SH3RF3: variants seen among roughly 807,000 people sequenced by gnomAD.
SH3RF3 encodes the protein SH3 domain containing ring finger 3.
SH3RF3 carries 29 observed loss-of-function variants against 66.3 expected under a neutral mutation model. The ratio of observed to expected loss-of-function variants is 0.44; its 90% CI spans 0.33 to 0.60. SH3RF3 has a LOEUF of 0.60. Among genes scored for constraint, SH3RF3 ranks in the 20% least tolerant of loss-of-function variants. SH3RF3 has a pLI of 0.04. For missense variants in SH3RF3, 1,194 were observed against 1,190.9 expected, an observed-to-expected ratio of 1.00 and a Z score of -0.04; for synonymous variants, 583 against 532.0, an observed-to-expected ratio of 1.10 and a Z score of -1.32.
intron 1 of SH3RF3, among the ~76,000 whole-genome samples, chr2:109,334,764 A>C (rs1682370320): frequency 7.9e-6 from 1 of 126,184 alleles, no homozygotes; most frequent in Admixed American, 8.1e-5. Flanking sequence ...AGGCTGCTGA[A>C]GGAGTTTGTT....
At chr2:109,354,730 C>T (rs113711723) in intron 2 of SH3RF3, among the ~76,000 whole-genome samples, 1,880 of 152,364 alleles carry the variant, frequency 0.012, 40 homozygotes, top group African/African-American at 0.038. Flanking sequence ...AGCGTCGGCA[C>T]CCTGCCCCGC....
chr2:109,262,855 C>G (rs986321481), intron 1 of SH3RF3, among the ~76,000 whole-genome samples: 1 of 151,766 alleles, frequency 6.6e-6, no homozygotes, highest in Admixed American at 6.6e-5. Flanking sequence ...TTTTTTGAGA[C>G]AGAGTCTTCC....
Position 109,501,900 on chromosome 2 carries a change from C to G in SH3RF3, c.*229C>G. 2.0e-6 allele frequency: 1 copy of G among 505,786 alleles called. No homozygotes were observed. The highest frequency in any genetic ancestry group is 3.2e-5 in the South Asian group (1 of 31,320). 31.3% of individuals were successfully genotyped at this position (505,786 alleles called of 1,614,324 possible). A position where few individuals can be genotyped will look rare whatever the true frequency, so the allele number is the denominator to read the frequency against. ...GATGTTCTTCAAGGAAATGCCCACCCCCTCTGTGGAAACTGCAAAGAAAGC... is the reference window on the plus strand; with the variant it reads ...GATGTTCTTCAAGGAAATGCCCACCGCCTCTGTGGAAACTGCAAAGAAAGC... On this transcript the variant is annotated 3_prime_UTR_variant, in exon 10 of 10. Coordinates refer to ENST00000309415, the MANE Select transcript of SH3RF3 (RefSeq NM_001099289.3).
intron 1 of SH3RF3, among the ~76,000 whole-genome samples, chr2:109,283,657 G>A (rs1242018797): frequency 6.6e-6 from 1 of 152,202 alleles, no homozygotes. Flanking sequence ...AGTGCACATG[G>A]GGACCTGGAA....
intron 1 of SH3RF3, among the ~76,000 whole-genome samples, chr2:109,282,057 G>T (rs2105344716): frequency 1.3e-5 from 2 of 152,178 alleles, no homozygotes; most frequent in South Asian, 2.1e-4. Context: ...GATGCTGGTG[G>T]GATATGAGTG....
intron 4 of SH3RF3, among the ~76,000 whole-genome samples, chr2:109,406,172 A>G (rs1018752220): frequency 2.0e-5 from 3 of 152,198 alleles, no homozygotes; most frequent in African/African-American, 4.8e-5. Context: ...TGCTCTGGGC[A>G]TAATGGAGTA....
At chr2:109,207,874 G>T (rs567280991) in intron 1 of SH3RF3, among the ~76,000 whole-genome samples, 1 of 151,926 alleles carries the variant, frequency 6.6e-6, no homozygotes, top group East Asian at 1.9e-4. Context: ...TTAACAAATT[G>T]GCCTATGGCA....
intron 1 of SH3RF3, among the ~76,000 whole-genome samples, chr2:109,130,566 G>T (rs1676667270): frequency 6.6e-6 from 1 of 152,126 alleles, no homozygotes. Flanking sequence ...CCTGCCTGCG[G>T]TGTGGCTAAG....
chr2:109,421,254 G>A (rs2104526644), intron 5 of SH3RF3, among the ~76,000 whole-genome samples: 1 of 152,372 alleles, frequency 6.6e-6, no homozygotes, highest in Non-Finnish European at 1.5e-5. Flanking sequence ...GGTTGCTGAG[G>A]CCATGAGTGC....
intron 1 of SH3RF3, among the ~76,000 whole-genome samples, chr2:109,226,222 C>G (rs950963470): frequency 2.0e-5 from 3 of 152,162 alleles, no homozygotes; most frequent in Admixed American, 6.5e-5. Flanking sequence ...GCAGAAGGAA[C>G]TTAGAGAAAG....
At chr2:109,170,219 T>C (rs1207455777) in intron 1 of SH3RF3, among the ~76,000 whole-genome samples, 1 of 148,236 alleles carries the variant, frequency 6.7e-6, no homozygotes, top group Admixed American at 6.7e-5. Flanking sequence ...CTCTCTCTTT[T>C]TTCTCTTCTC....
chr2:109,376,528 C>T (rs1224213516), intron 3 of SH3RF3, among the ~76,000 whole-genome samples: 1 of 152,136 alleles, frequency 6.6e-6, no homozygotes, highest in Non-Finnish European at 1.5e-5. Context: ...GGATCGTGAT[C>T]CAAAAATAGT....
intron 1 of SH3RF3, among the ~76,000 whole-genome samples, chr2:109,319,028 G>A (rs559421760): frequency 1.3e-5 from 2 of 152,214 alleles, no homozygotes; most frequent in Non-Finnish European, 1.5e-5. Flanking sequence ...AGATGGGAAA[G>A]GAGTGGCTCT....
At chr2:109,363,252 G>T in intron 2 of SH3RF3, among the ~76,000 whole-genome samples, 1 of 150,338 alleles carries the variant, frequency 6.7e-6, no homozygotes. Context: ...TTTTTAATTG[G>T]TTGCATTGGA....
intron 1 of SH3RF3, among the ~76,000 whole-genome samples, chr2:109,137,451 C>T (rs1558919842): frequency 6.6e-6 from 1 of 152,192 alleles, no homozygotes; most frequent in Non-Finnish European, 1.5e-5. Context: ...CTGGAAGTGC[C>T]ACATGCTCAG....
At chr2:109,467,936 T>C (rs908366505) in intron 8 of SH3RF3, among the ~76,000 whole-genome samples, 2 of 152,162 alleles carry the variant, frequency 1.3e-5, no homozygotes, top group African/African-American at 4.8e-5. Flanking sequence ...CCTGTGAACA[T>C]GCTCCACCTC....
Position 109,212,818 on chromosome 2 carries a change from C to CTGGTGAGCTGGTGTGGGGTAGG in SH3RF3, c.573+82708_573+82729dup, listed in dbSNP as rs144446145. On this transcript the variant is annotated intron_variant, in intron 1 of 9. Transcript: ENST00000309415. ...TTCCCTGCTGGAGGAGTTAGACCTC[C>CTGGTGAGCTGGTGTGGGGTAGG]TGGTGAGCTGGTGTGGGGTAGGTGC... Among the ~76,000 whole-genome samples the CTGGTGAGCTGGTGTGGGGTAGG allele has an allele frequency of 5.5e-3, 839 of 152,288 alleles. 7 individuals carry two copies. Among genetic ancestry groups the CTGGTGAGCTGGTGTGGGGTAGG allele is most frequent in the African/African-American group, 0.019 (795 of 41,552 alleles).
chr2:109,155,567 C>T (rs1677327019), intron 1 of SH3RF3, among the ~76,000 whole-genome samples: 1 of 152,190 alleles, frequency 6.6e-6, no homozygotes, highest in South Asian at 2.1e-4. Flanking sequence ...TCCCAAAGTG[C>T]TGGGATTACA....
intron 9 of SH3RF3, among the ~76,000 whole-genome samples, chr2:109,499,190 T>A (rs1047822864): frequency 1.3e-5 from 2 of 152,094 alleles, no homozygotes; most frequent in Non-Finnish European, 2.9e-5. Context: ...AGGGAAGGCA[T>A]CCAGAGCCGC....
Sources: gnomAD v4.1 joint callset for allele counts (sites outside exome capture counted in the v4.1 genomes callset) on GRCh38, gnomAD v4.1.1 for gene constraint, MANE v1.5 for transcripts, NCBI Gene and HGNC (gene_info 2026-07-23, HGNC 2026-07-21) for gene names.